RSRC1: variants seen among roughly 807,000 people sequenced by gnomAD.
The protein encoded by RSRC1 is serine/Arginine-related protein 53.
A neutral mutation model predicts 49.1 loss-of-function variants in RSRC1; 39 were observed. The ratio of observed to expected loss-of-function variants is 0.79; its 90% CI spans 0.61 to 1.04. The LOEUF is 1.04. Among genes scored for constraint, RSRC1 ranks in the 50% least tolerant of loss-of-function variants. The pLI, the probability that RSRC1 is intolerant of heterozygous loss-of-function variation, is 0.00. For missense variants in RSRC1, 388 were observed against 402.4 expected (o/e 0.96, Z 0.31); for synonymous variants, 143 against 130.8 (o/e 1.09, Z -0.63).
intron 4 of RSRC1, among the ~76,000 whole-genome samples, chr3:158,222,968 C>T (rs1479080665): frequency 2.0e-5 from 3 of 151,622 alleles, no homozygotes; most frequent in East Asian, 1.9e-4. Context: ...GTAGTAATTT[C>T]GTTTATTTTC....
chr3:158,165,195 AT>A, intron 3 of RSRC1, among the ~76,000 whole-genome samples: 1 of 152,336 alleles, frequency 6.6e-6, no homozygotes, highest in East Asian at 1.9e-4. Context: ...ATAATTAGAA[AT>A]GAAGCTTGGT....
At chr3:158,261,341 TTACATTTCTCTGATAGCTAA>T (rs1488357290) in intron 4 of RSRC1, among the ~76,000 whole-genome samples, 4 of 152,228 alleles carry the variant, frequency 2.6e-5, no homozygotes, top group Non-Finnish European at 5.9e-5. Flanking sequence ...TGGCTTTAAT[TTACATTTCTCTGATAGCTAA>T]TGATGTTTCA....
intron 3 of RSRC1, among the ~76,000 whole-genome samples, chr3:158,135,271 A>C (rs965249834): frequency 1.3e-5 from 1 of 79,466 alleles, no homozygotes; most frequent in African/African-American, 6.5e-5. Flanking sequence ...ATTATAGTGT[A>C]ATTTTTTTTT....
intron 4 of RSRC1, among the ~76,000 whole-genome samples, chr3:158,238,333 C>T (rs1723357503): frequency 6.6e-6 from 1 of 152,184 alleles, no homozygotes; most frequent in Non-Finnish European, 1.5e-5. Flanking sequence ...ATCAAGCTAC[C>T]AATGACTTTC....
chr3:158,515,354 A>G (rs1387106550), intron 7 of RSRC1, among the ~76,000 whole-genome samples: 2 of 126,776 alleles, frequency 1.6e-5, no homozygotes, highest in Admixed American at 1.6e-4. Flanking sequence ...TCCTTCACCT[A>G]TGAAGCTTAG....
chr3:158,202,709 A>T (rs1030031925), intron 3 of RSRC1, among the ~76,000 whole-genome samples: 7 of 151,550 alleles, frequency 4.6e-5, no homozygotes, highest in African/African-American at 1.7e-4. Flanking sequence ...AGAAATAAGA[A>T]ATAAGGTTGA....
rs534371945 is a variant in RSRC1 at position 158,369,392 on chromosome 3, C to T, written c.583+14484C>T. Among the ~76,000 whole-genome samples the T allele has an allele frequency of 5.9e-5, 9 of 151,972 alleles. No homozygotes were observed. In the East Asian group the frequency reaches 1.7e-3, roughly 29 times the overall value. On this transcript the variant is annotated intron_variant, in intron 6 of 9. Transcript: ENST00000611884. Reference sequence around the variant, plus strand: ...TTAGGGGAAAATGATGAATACTTTCCCAGGTCTGATCTAGTAAATCATTGC... The same window carrying T: ...TTAGGGGAAAATGATGAATACTTTCTCAGGTCTGATCTAGTAAATCATTGC...
chr3:158,273,888 G>A (rs1377865904), intron 4 of RSRC1, among the ~76,000 whole-genome samples: 2 of 151,908 alleles, frequency 1.3e-5, no homozygotes, highest in Non-Finnish European at 2.9e-5. Flanking sequence ...CTTTCTCATC[G>A]TAGTTGCTTG....
At chr3:158,468,482 A>G (rs1040319420) in intron 7 of RSRC1, among the ~76,000 whole-genome samples, 1 of 152,186 alleles carries the variant, frequency 6.6e-6, no homozygotes, top group Non-Finnish European at 1.5e-5. Flanking sequence ...TGTTATTTTT[A>G]AAGAAGTTTG....
At chr3:158,227,624 C>T (rs1722601511) in intron 4 of RSRC1, among the ~76,000 whole-genome samples, 1 of 151,984 alleles carries the variant, frequency 6.6e-6, no homozygotes, top group African/African-American at 2.4e-5. Context: ...GTTTGAAAAC[C>T]ACTAGTCTAG....
In RSRC1 at chr3:158,428,336, C is replaced by T. The variant is rs189647104; in HGVS notation, c.584-32599C>T. ...ACTGAATAGAAAATAATTTTATCCT[C>T]ATTGTTAATCTATTAAAGGGATGAG... is the stretch of plus-strand genomic sequence containing the variant. On this transcript the variant is annotated intron_variant, in intron 6 of 9. Transcript: ENST00000611884. 2.4e-4 allele frequency among the ~76,000 whole-genome samples: 37 copies of T among 151,948 alleles called. No individual in the cohort carries two copies. In the East Asian group the frequency reaches 7.0e-3, roughly 29 times the overall value.
At chr3:158,536,925 A>G (rs1031219820) in intron 7 of RSRC1, among the ~76,000 whole-genome samples, 167 bp from the exon 8 acceptor site, 1 of 151,576 alleles carries the variant, frequency 6.6e-6, no homozygotes, top group African/African-American at 2.4e-5. Context: ...CTTAGTTCAT[A>G]GGAATGTTAT....
chr3:158,285,031 G>A (rs1014744170), intron 4 of RSRC1, among the ~76,000 whole-genome samples: 5 of 152,070 alleles, frequency 3.3e-5, no homozygotes, highest in Admixed American at 6.6e-5. Flanking sequence ...TTTTAGGTCT[G>A]ACGTTTAAGT....
chr3:158,394,758 A>G (rs1247767969), intron 6 of RSRC1, among the ~76,000 whole-genome samples: 2 of 152,188 alleles, frequency 1.3e-5, no homozygotes, highest in Non-Finnish European at 1.5e-5. Context: ...AAATGGCCAT[A>G]CTGCACAAAA....
Position 158,271,396 on chromosome 3 carries a change from T to A in RSRC1, c.495-26643T>A, listed in dbSNP as rs575873006. Among the ~76,000 whole-genome samples the A allele has an allele frequency of 2.0e-5, 3 of 152,214 alleles. No individual in the cohort carries two copies. The South Asian group carries it at 6.2e-4, about 32-fold the overall frequency. ...TTCATACACAGATGGTTCTTATAAA[T>A]TTACACTGATGTTGGATGGATTTGA... On this transcript the variant is annotated intron_variant, in intron 4 of 9. Transcript: ENST00000611884.
intron 3 of RSRC1, among the ~76,000 whole-genome samples, chr3:158,166,312 A>G (rs1382551868): frequency 6.6e-6 from 1 of 152,194 alleles, no homozygotes; most frequent in Non-Finnish European, 1.5e-5. Context: ...ATATGATATC[A>G]GATTTAATGT....
intron 3 of RSRC1, among the ~76,000 whole-genome samples, chr3:158,164,617 A>G (rs186459186): frequency 3.3e-5 from 5 of 152,130 alleles, no homozygotes; most frequent in African/African-American, 4.8e-5. Context: ...GTAGGTAGCT[A>G]TGCTTATAAA....
chr3:158,361,911 A>G (rs749696140), intron 6 of RSRC1, among the ~76,000 whole-genome samples: 24 of 152,102 alleles, frequency 1.6e-4, no homozygotes, highest in Non-Finnish European at 3.4e-4. Context: ...TTCTCTCCTC[A>G]TTTGAATTCT....
chr3:158,258,696 G>A (rs1291031248), intron 4 of RSRC1, among the ~76,000 whole-genome samples: 1 of 151,670 alleles, frequency 6.6e-6, no homozygotes, highest in Non-Finnish European at 1.5e-5. Flanking sequence ...GCCCTTTTGG[G>A]GCTATTTTCT....
Sources: allele counts gnomAD v4.1 joint callset (sites outside exome capture counted in the v4.1 genomes callset), GRCh38; gene constraint gnomAD v4.1.1; transcripts MANE v1.5; gene names NCBI Gene and HGNC (gene_info 2026-07-23, HGNC 2026-07-21).